Variants in GALNTL6 observed in about 807,000 individuals in gnomAD.
The protein encoded by GALNTL6 is polypeptide N-acetylgalactosaminyltransferase like 6.
In GALNTL6, 46 loss-of-function variants were observed where a neutral mutation model predicts 73.7. The ratio of observed to expected loss-of-function variants is 0.62; its 90% confidence interval spans 0.49 to 0.80. The LOEUF is 0.80. Among genes scored for constraint, GALNTL6 ranks in the 30% least tolerant of loss-of-function variants. GALNTL6 has a pLI of 0.00. For missense variants in GALNTL6, 604 were observed against 755.0 expected, an observed-to-expected ratio of 0.80 and a Z score of 2.34; for synonymous variants, 259 against 263.7, an observed-to-expected ratio of 0.98 and a Z score of 0.17.
chr4:172,692,216 C>T (rs1733350935), intron 5 of GALNTL6, among the ~76,000 whole-genome samples: 1 of 152,020 alleles, frequency 6.6e-6, no homozygotes, highest in East Asian at 1.9e-4. Flanking sequence ...ATTTGATACT[C>T]TGCATTTTCA....
intron 2 of GALNTL6, among the ~76,000 whole-genome samples, chr4:171,901,148 A>G (rs1024026811): frequency 6.6e-6 from 1 of 152,170 alleles, no homozygotes; most frequent in Non-Finnish European, 1.5e-5. Context: ...CTACTAAAAG[A>G]CGGAAATGTT....
chr4:171,887,779 G>GA (rs959728184), intron 2 of GALNTL6, among the ~76,000 whole-genome samples: 4 of 151,752 alleles, frequency 2.6e-5, no homozygotes, highest in Non-Finnish European at 5.9e-5. Context: ...GAAGCCATTT[G>GA]AAAAAAAACA....
intron 2 of GALNTL6, among the ~76,000 whole-genome samples, chr4:172,169,425 T>C (rs1417339429): frequency 2.6e-5 from 4 of 152,228 alleles, no homozygotes; most frequent in Non-Finnish European, 5.9e-5. Context: ...GGTAAGATGC[T>C]TCAACTATAT....
intron 10 of GALNTL6, among the ~76,000 whole-genome samples, chr4:172,952,527 T>C (rs1278970449): frequency 6.6e-6 from 1 of 152,010 alleles, no homozygotes; most frequent in Non-Finnish European, 1.5e-5. Flanking sequence ...TTGTTTTTGT[T>C]TTTTTTGAGA....
chr4:171,862,824 G>T (rs1392694907), intron 2 of GALNTL6, among the ~76,000 whole-genome samples: 1 of 152,048 alleles, frequency 6.6e-6, no homozygotes, highest in South Asian at 2.1e-4. Context: ...GTGTATGAAT[G>T]TCATTTATTT....
At position 172,812,898 on chromosome 4, in the gene GALNTL6, T is replaced by C. The variant is rs549855209; in HGVS notation, c.740-642T>C. On this transcript the variant is annotated intron_variant, in intron 6 of 12. Coordinates refer to ENST00000506823, the MANE Select transcript of GALNTL6 (RefSeq NM_001034845.3). ...TTAAGAGTAGCAGAAGTAATCGCAG[T>C]AGTATAATATCACCTAATACTTTTT... 2.0e-5 allele frequency among the ~76,000 whole-genome samples: 3 copies of C among 152,310 alleles called. No homozygotes were observed. In the South Asian group the frequency reaches 6.2e-4, roughly 32 times the overall value.
intron 8 of GALNTL6, among the ~76,000 whole-genome samples, chr4:172,904,568 G>T (rs1172514337): frequency 6.6e-6 from 1 of 152,140 alleles, no homozygotes; most frequent in Non-Finnish European, 1.5e-5. Flanking sequence ...AATGGCCTGT[G>T]TGCTTCAGTG....
At chr4:172,721,725 C>T (rs1735484846) in intron 5 of GALNTL6, among the ~76,000 whole-genome samples, 1 of 152,142 alleles carries the variant, frequency 6.6e-6, no homozygotes, top group Non-Finnish European at 1.5e-5. Flanking sequence ...TAGACAAACA[C>T]ATTAAATGAC....
chr4:172,443,850 T>C (rs1001540614), intron 5 of GALNTL6, among the ~76,000 whole-genome samples: 1 of 152,210 alleles, frequency 6.6e-6, no homozygotes, highest in African/African-American at 2.4e-5. Context: ...AGGAAAGGTG[T>C]GGCCCGGATG....
rs116590406 is a variant in GALNTL6, at chr4:172,943,558, G to A, written c.1150-8479G>A. ...GTTTCTGCTTAATAGTCTTTCATCA[G>A]CAACATTCAGACTAATTTTATCTTC... On this transcript the variant is annotated intron_variant, in intron 9 of 12. Transcript: ENST00000506823. Among the ~76,000 whole-genome samples, 485 of 152,254 alleles carry A rather than the reference G, an allele frequency of 3.2e-3. 2 individuals carry two copies. Among genetic ancestry groups the A allele is most frequent in the African/African-American group, 0.011 (453 of 41,536 alleles).
At chr4:172,658,166 A>AAAAAAAAAAAG (rs1439296482) in intron 5 of GALNTL6, among the ~76,000 whole-genome samples, 2 of 120,384 alleles carry the variant, frequency 1.7e-5, no homozygotes, top group Non-Finnish European at 1.7e-5. Context: ...AAAAAAAAAA[A>AAAAAAAAAAAG]AAAGAAATAT....
intron 8 of GALNTL6, among the ~76,000 whole-genome samples, chr4:172,910,834 C>T (rs1047568714): frequency 6.6e-6 from 1 of 152,228 alleles, no homozygotes; most frequent in Non-Finnish European, 1.5e-5. Context: ...TCACCCCTTA[C>T]ACCTCCAACC....
intron 2 of GALNTL6, among the ~76,000 whole-genome samples, chr4:171,999,026 A>G (rs1206957871): frequency 1.3e-5 from 2 of 152,168 alleles, no homozygotes; most frequent in Non-Finnish European, 2.9e-5. Context: ...TTTAAGCATG[A>G]CATAATTCCT....
At chr4:172,297,456 C>T (rs1739727903) in intron 3 of GALNTL6, among the ~76,000 whole-genome samples, 1 of 152,086 alleles carries the variant, frequency 6.6e-6, no homozygotes, top group African/African-American at 2.4e-5. Flanking sequence ...ATGGTATTGC[C>T]TAGGTTTTCT....
intron 2 of GALNTL6, among the ~76,000 whole-genome samples, chr4:171,887,892 A>C (rs1174623300): frequency 6.6e-6 from 1 of 152,198 alleles, no homozygotes; most frequent in Non-Finnish European, 1.5e-5. Context: ...TTTACTTATG[A>C]CTACATTTTA....
intron 3 of GALNTL6, among the ~76,000 whole-genome samples, chr4:172,271,903 C>G (rs956593186): frequency 6.6e-6 from 1 of 151,380 alleles, no homozygotes; most frequent in African/African-American, 2.4e-5. Flanking sequence ...TTTGTGTTTG[C>G]TTTTTTGAAA....
chr4:172,959,618 A>C (rs1235916255), intron 10 of GALNTL6, among the ~76,000 whole-genome samples: 1 of 151,966 alleles, frequency 6.6e-6, no homozygotes, highest in Non-Finnish European at 1.5e-5. Context: ...TGAGGCAATC[A>C]GGCAGCGTCA....
chr4:172,637,128 C>T (rs1739733550), intron 5 of GALNTL6, among the ~76,000 whole-genome samples: 1 of 152,042 alleles, frequency 6.6e-6, no homozygotes. Flanking sequence ...TAATCAATTA[C>T]TAATTCAGAA....
At chr4:172,316,953 A>G (rs1356606615) in intron 4 of GALNTL6, among the ~76,000 whole-genome samples, 1 of 152,176 alleles carries the variant, frequency 6.6e-6, no homozygotes, top group African/African-American at 2.4e-5. Context: ...CTGGCCAACT[A>G]CAGTAAGCTT....
Sources: gnomAD v4.1 joint callset for allele counts (sites outside exome capture counted in the v4.1 genomes callset) on GRCh38, gnomAD v4.1.1 for gene constraint, MANE v1.5 for transcripts, NCBI Gene and HGNC (gene_info 2026-07-23, HGNC 2026-07-21) for gene names.